Variants in LRP1B observed in about 807,000 individuals in gnomAD.
LRP1B encodes LDL receptor related protein 1B, also known as low-density lipoprotein receptor-related protein 1B.
A neutral mutation model predicts 556.6 loss-of-function variants in LRP1B; 217 were observed. The observed-to-expected ratio is 0.39, with a 90% CI of 0.35 to 0.44. The LOEUF is 0.44. Ranked by LOEUF, LRP1B falls within the 20% of genes least tolerant of loss-of-function variation. The pLI, the probability that LRP1B is intolerant of heterozygous loss-of-function variation, is 1.00. For synonymous variants in LRP1B, 2,047 were observed against 1,865.8 expected, an observed-to-expected ratio of 1.10 and a Z score of -2.50; for missense variants, 5,053 against 5,620.8, an observed-to-expected ratio of 0.90 and a Z score of 3.23.
chr2:141,329,156 G>A (rs568572595), intron 3 of LRP1B, among the ~76,000 whole-genome samples: 1 of 152,126 alleles, frequency 6.6e-6, no homozygotes, highest in South Asian at 2.1e-4. Flanking sequence ...GGGAGGCCGA[G>A]GTGGGTGGAT....
intron 3 of LRP1B, among the ~76,000 whole-genome samples, chr2:141,377,399 T>C (rs1200666293): frequency 2.0e-5 from 3 of 152,144 alleles, no homozygotes; most frequent in Admixed American, 2.0e-4. Context: ...CATTTTTACT[T>C]TGAATATGCT....
intron 43 of LRP1B, among the ~76,000 whole-genome samples, chr2:140,591,106 C>G (rs1222895113): frequency 2.0e-5 from 3 of 151,964 alleles, no homozygotes; most frequent in Non-Finnish European, 2.9e-5. Flanking sequence ...TATTCATGCC[C>G]AAGAATACTT....
chr2:141,301,798 G>A (rs528698982), intron 3 of LRP1B, among the ~76,000 whole-genome samples: 1 of 152,248 alleles, frequency 6.6e-6, no homozygotes, highest in South Asian at 2.1e-4. Context: ...GGAGCCGGCA[G>A]CATTTTCACT....
At chr2:141,348,466 TTTA>T (rs1236287958) in intron 3 of LRP1B, among the ~76,000 whole-genome samples, 2 of 151,990 alleles carry the variant, frequency 1.3e-5, no homozygotes, top group African/African-American at 2.4e-5. Context: ...TTAATCAACA[TTTA>T]TTATTAATAA....
At chr2:140,608,944 C>T (rs763103668) in intron 41 of LRP1B, among the ~76,000 whole-genome samples, 1 of 152,156 alleles carries the variant, frequency 6.6e-6, no homozygotes, top group Non-Finnish European at 1.5e-5. Flanking sequence ...ATTATATAGA[C>T]TCAGACATGT....
intron 1 of LRP1B, among the ~76,000 whole-genome samples, chr2:141,891,723 T>C (rs940396274): frequency 6.6e-6 from 1 of 152,120 alleles, no homozygotes; most frequent in Non-Finnish European, 1.5e-5. Flanking sequence ...GCAATTTATA[T>C]TTTGCAAACA....
chr2:141,583,126 A>G (rs56268119), intron 2 of LRP1B, among the ~76,000 whole-genome samples: 47,403 of 151,712 alleles, frequency 0.31, 8,992 homozygotes, highest in Non-Finnish European at 0.44. Flanking sequence ...GTGAGCCACC[A>G]CGCCCGGCCA....
At chr2:141,586,798 C>T (rs1341450268) in intron 2 of LRP1B, among the ~76,000 whole-genome samples, 5 of 151,844 alleles carry the variant, frequency 3.3e-5, no homozygotes, top group Admixed American at 2.0e-4. Context: ...AAAAATTAGC[C>T]GGGCATGGTG....
intron 84 of LRP1B, among the ~76,000 whole-genome samples, chr2:140,279,382 C>G (rs2104962298): frequency 6.6e-6 from 1 of 152,014 alleles, no homozygotes; most frequent in South Asian, 2.1e-4. Context: ...TCAAACAAAG[C>G]CCAGGTTTTC....
chr2:141,005,209 A>T (rs867693926), intron 15 of LRP1B, 126 bp downstream of exon 15: 2 of 1,063,010 alleles, frequency 1.9e-6, no homozygotes, highest in Middle Eastern at 3.3e-4. Flanking sequence ...GTCTAAAAAG[A>T]ATTATATCTA....
chr2:140,533,789 C>A (rs529982187), intron 47 of LRP1B, among the ~76,000 whole-genome samples: 1 of 151,846 alleles, frequency 6.6e-6, no homozygotes, highest in Non-Finnish European at 1.5e-5. Context: ...ACTGAAGAGG[C>A]GAGAAATTAT....
chr2:141,224,534 T>G (rs78046968), intron 6 of LRP1B, among the ~76,000 whole-genome samples: 6,690 of 152,262 alleles, frequency 0.044, 170 homozygotes, highest in South Asian at 0.11. Context: ...GATGCACGTG[T>G]ATGTTCATTT....
intron 34 of LRP1B, among the ~76,000 whole-genome samples, chr2:140,770,135 A>G (rs1342093687): frequency 6.6e-6 from 1 of 151,848 alleles, no homozygotes; most frequent in African/African-American, 2.4e-5. Context: ...CAGTTTCCTC[A>G]TTTCTTAAAT....
intron 2 of LRP1B, among the ~76,000 whole-genome samples, chr2:141,613,855 CTT>C (rs1688195085): frequency 6.6e-6 from 1 of 151,816 alleles, no homozygotes; most frequent in Non-Finnish European, 1.5e-5. Flanking sequence ...GGTGGATCAC[CTT>C]AAGTCGGGAG....
At chr2:141,491,408 T>C (rs1181662888) in intron 2 of LRP1B, among the ~76,000 whole-genome samples, 1 of 152,188 alleles carries the variant, frequency 6.6e-6, no homozygotes, top group Non-Finnish European at 1.5e-5. Flanking sequence ...GTATCTTTTT[T>C]CAGAAATACA....
intron 73 of LRP1B, 33 bp downstream of exon 73, chr2:140,358,788 A>G (rs2105137550): frequency 6.2e-7 from 1 of 1,601,250 alleles, no homozygotes; most frequent in East Asian, 2.3e-5. Flanking sequence ...CCTCATAGCC[A>G]TCACTGAATT....
intron 1 of LRP1B, among the ~76,000 whole-genome samples, chr2:141,997,233 C>A (rs567878113): frequency 3.3e-5 from 5 of 152,088 alleles, no homozygotes; most frequent in Admixed American, 3.3e-4. Context: ...ATTTCTAAAT[C>A]AAGACCTTTC....
At chr2:141,466,435 T>C (rs760820691) in intron 3 of LRP1B, among the ~76,000 whole-genome samples, 2 of 152,214 alleles carry the variant, frequency 1.3e-5, no homozygotes, top group African/African-American at 4.8e-5. Context: ...ATTATCTTCT[T>C]CTTCCAAATC....
rs112567079 is a variant in LRP1B, at chr2:140,982,154, A to G, written c.2887+6T>C. 1.2e-6 allele frequency: 2 copies of G among 1,607,452 alleles called. No individual in the cohort carries two copies. The highest frequency in any genetic ancestry group is 1.7e-6 in the Non-Finnish European group (2 of 1,174,388). The stretch of plus-strand genomic sequence containing the variant: ...GTAATAATAACATGTCTCACTCACA[A>G]CTTACCACAAGATGCCATTTCATCT... On this transcript the variant is annotated splice_donor_region_variant and intron_variant, in intron 18 of 90. Transcript: ENST00000389484.
Sources: gnomAD v4.1 joint callset for allele counts (sites outside exome capture counted in the v4.1 genomes callset) on GRCh38, gnomAD v4.1.1 for gene constraint, MANE v1.5 for transcripts, NCBI Gene and HGNC (gene_info 2026-07-23, HGNC 2026-07-21) for gene names.